PRUNE2: variants seen among roughly 807,000 people sequenced by gnomAD.
PRUNE2 encodes protein prune homolog 2.
PRUNE2 carries 164 observed loss-of-function variants against 252.0 expected under a neutral mutation model. That is an observed-to-expected ratio of 0.65 (90% confidence interval 0.57 to 0.74). The LOEUF (loss-of-function observed/expected upper bound fraction) is 0.74. Among genes scored for constraint, PRUNE2 ranks in the 30% least tolerant of loss-of-function variants. PRUNE2 has a pLI of 0.00. For missense variants in PRUNE2, 3,495 were observed against 3,711.0 expected (o/e 0.94, Z 1.51); for synonymous variants, 1,292 against 1,350.2 (o/e 0.96, Z 0.94).
At position 76,705,206 on chromosome 9, in the gene PRUNE2, TA is replaced by T; in HGVS notation, c.7067del (p.Val2356GlufsTer11). Reference sequence around the variant, plus strand: ...AATCTTCATCGATATTCTGGCCCATTACATCATATTCAAAATCACCCCACGA... The same window carrying T: ...AATCTTCATCGATATTCTGGCCCATTCATCATATTCAAAATCACCCCACGA... Reference protein sequence around the residue: ...EASWGDFEYDVMGQNIDEDLL... With the variant: ...EASWGDFEYDXMGQNIDEDLL... On this transcript the variant is annotated frameshift_variant, in exon 8 of 19. Coordinates refer to ENST00000376718, the MANE Select transcript of PRUNE2 (RefSeq NM_015225.3). LOFTEE classifies it high-confidence loss of function. 1 of 1,614,030 alleles carries T rather than the reference TA, an allele frequency of 6.2e-7. No individual in the cohort carries two copies. The highest frequency in any genetic ancestry group is 1.7e-5 in the Admixed American group (1 of 60,024).
chr9:76,654,873 T>C (rs115167650), intron 10 of PRUNE2, among the ~76,000 whole-genome samples: 1,939 of 152,224 alleles, frequency 0.013, 40 homozygotes, highest in African/African-American at 0.043. Flanking sequence ...GATCTTGGTA[T>C]GATCCTGGAG....
intron 9 of PRUNE2, among the ~76,000 whole-genome samples, chr9:76,666,571 G>T (rs569216430): frequency 1.3e-5 from 2 of 152,218 alleles, no homozygotes; most frequent in African/African-American, 4.8e-5. Flanking sequence ...GCAGGGAAGG[G>T]CCCCCTGTCC....
chr9:76,874,610 C>T (rs1008029797), intron 1 of PRUNE2, among the ~76,000 whole-genome samples: 2 of 152,174 alleles, frequency 1.3e-5, no homozygotes, highest in Non-Finnish European at 1.5e-5. Flanking sequence ...TCCATCCCAT[C>T]GCTCGAGCTT....
intron 17 of PRUNE2, among the ~76,000 whole-genome samples, chr9:76,620,121 C>T (rs1461447843): frequency 1.3e-5 from 2 of 148,340 alleles, no homozygotes; most frequent in East Asian, 3.9e-4. Flanking sequence ...TACACCTCAA[C>T]TTTTATACCC....
chr9:76,774,602 G>A (rs367873187), intron 6 of PRUNE2, among the ~76,000 whole-genome samples: 48 of 151,912 alleles, frequency 3.2e-4, no homozygotes, highest in Admixed American at 1.1e-3. Context: ...GGGATTACAG[G>A]TGTATGTCAT....
chr9:76,886,122 G>T (rs747736519), intron 1 of PRUNE2, among the ~76,000 whole-genome samples: 2 of 151,708 alleles, frequency 1.3e-5, no homozygotes, highest in African/African-American at 4.8e-5. Context: ...GGAGGCGGAG[G>T]TTGCAGTGAC....
Position 76,644,867 on chromosome 9 carries a change from A to G in PRUNE2, c.8600T>C (p.Ile2867Thr). Reference sequence around the variant, plus strand: ...TTCCTCTTCGGCCGTATATTCTGGAATAGACTCTGACTCTTGGCCAGAATC... The same window carrying G: ...TTCCTCTTCGGCCGTATATTCTGGAGTAGACTCTGACTCTTGGCCAGAATC... ...NKDSGQESES[I>T]PEYTAEEERE... Residue 2867 changes from isoleucine (I) to threonine (T), a missense_variant, in exon 12 of 19, where the codon ATT becomes ACT. By Grantham distance (89) the Ile-to-Thr change is moderately conservative. Transcript: ENST00000376718. 2 of 1,613,886 alleles carry G rather than the reference A, an allele frequency of 1.2e-6. No homozygotes were observed. The highest frequency in any genetic ancestry group is 1.7e-6 in the Non-Finnish European group (2 of 1,179,852).
intron 6 of PRUNE2, chr9:76,786,688 G>A (rs1158801434): frequency 6.6e-6 from 1 of 152,152 alleles, no homozygotes; most frequent in African/African-American, 2.4e-5. Flanking sequence ...TGAATGCCTA[G>A]ACCCTTATTT....
At chr9:76,679,714 C>G (rs1036513448) in intron 9 of PRUNE2, among the ~76,000 whole-genome samples, 4 of 152,080 alleles carry the variant, frequency 2.6e-5, no homozygotes, top group African/African-American at 9.7e-5. Flanking sequence ...AGAAATAAAC[C>G]CATGCCTATA....
intron 6 of PRUNE2, among the ~76,000 whole-genome samples, chr9:76,767,686 AC>A (rs1436776019): frequency 4.6e-5 from 7 of 151,576 alleles, no homozygotes; most frequent in African/African-American, 7.3e-5. Context: ...TCATCTCTTG[AC>A]CCTATTTTGT....
chr9:76,814,059 C>A (rs977852188), intron 6 of PRUNE2, among the ~76,000 whole-genome samples: 1 of 152,212 alleles, frequency 6.6e-6, no homozygotes, highest in Non-Finnish European at 1.5e-5. Context: ...GGTGATCCAC[C>A]CGCCTCGGCC....
chr9:76,682,761 G>C (rs922851383), intron 9 of PRUNE2, among the ~76,000 whole-genome samples: 1 of 152,216 alleles, frequency 6.6e-6, no homozygotes, highest in Non-Finnish European at 1.5e-5. Flanking sequence ...AATATAATTT[G>C]TAAAGATCAA....
chr9:76,804,091 C>A (rs1262537928), intron 6 of PRUNE2, among the ~76,000 whole-genome samples: 1 of 152,188 alleles, frequency 6.6e-6, no homozygotes, highest in Non-Finnish European at 1.5e-5. Flanking sequence ...TGGCCCAGAT[C>A]AGCCTGTCTA....
chr9:76,834,786 G>C (rs2058862556), intron 4 of PRUNE2, among the ~76,000 whole-genome samples: 2 of 152,092 alleles, frequency 1.3e-5, no homozygotes, highest in Non-Finnish European at 2.9e-5. Flanking sequence ...AACAGCTACA[G>C]CCCAACTTTA....
At chr9:76,806,146 A>T (rs1319519247) in intron 6 of PRUNE2, among the ~76,000 whole-genome samples, 4 of 152,184 alleles carry the variant, frequency 2.6e-5, no homozygotes. Flanking sequence ...AGAACTTACT[A>T]GAAATATAAA....
chr9:76,850,547 AT>A lies in PRUNE2; in HGVS notation c.259del (p.Ile87TyrfsTer11). ...ATGCAGGTTAATTTCATCCCGGAATATGTGGAATGATTCGGAAATATTTAGC... is the reference window on the plus strand; with the variant it reads ...ATGCAGGTTAATTTCATCCCGGAATAGTGGAATGATTCGGAAATATTTAGC... Reference protein sequence around the residue: ...EELNISESFHIFRDEINLHQL... With the variant: ...EELNISESFHXFRDEINLHQL... On this transcript the variant is annotated frameshift_variant, in exon 3 of 19. Transcript: ENST00000376718. LOFTEE classifies it high-confidence loss of function. The A allele has an allele frequency of 6.2e-7, 1 of 1,613,682 alleles. No homozygotes were observed. Among genetic ancestry groups the A allele is most frequent in the Non-Finnish European group, 8.5e-7 (1 of 1,179,580 alleles).
intron 4 of PRUNE2, among the ~76,000 whole-genome samples, chr9:76,845,169 C>T (rs2059609828): frequency 6.6e-6 from 1 of 152,100 alleles, no homozygotes; most frequent in African/African-American, 2.4e-5. Flanking sequence ...GTTATCACTA[C>T]CAATAACAGT....
intron 6 of PRUNE2, among the ~76,000 whole-genome samples, chr9:76,745,558 A>G (rs980466517): frequency 6.6e-6 from 1 of 152,014 alleles, no homozygotes; most frequent in Non-Finnish European, 1.5e-5. Context: ...CCACACCTCT[A>G]TGATTGCACC....
chr9:76,903,019 C>T (rs1423580313), intron 1 of PRUNE2, among the ~76,000 whole-genome samples: 2 of 152,164 alleles, frequency 1.3e-5, no homozygotes, highest in Non-Finnish European at 2.9e-5. Context: ...GAAATCAGCT[C>T]CAAACTACCT....
Sources: gnomAD v4.1 joint callset for allele counts (sites outside exome capture counted in the v4.1 genomes callset) on GRCh38, gnomAD v4.1.1 for gene constraint, MANE v1.5 for transcripts, NCBI Gene and HGNC (gene_info 2026-07-23, HGNC 2026-07-21) for gene names.